KCNJ6: variants seen among roughly 807,000 people sequenced by gnomAD.
The protein encoded by KCNJ6 is G protein-activated inward rectifier potassium channel 2.
In KCNJ6, 9 loss-of-function variants were observed where a neutral mutation model predicts 34.2. The observed-to-expected ratio is 0.26, with a 90% CI of 0.16 to 0.46. KCNJ6 has a LOEUF of 0.46. KCNJ6 is among the 20% of genes least tolerant of loss of function. KCNJ6 has a pLI of 1.00. For missense variants in KCNJ6, 236 were observed against 531.3 expected (o/e 0.44, Z 5.46); for synonymous variants, 196 against 207.1 (o/e 0.95, Z 0.46).
At chr21:37,729,888 C>T (rs1373492648) in intron 2 of KCNJ6, among the ~76,000 whole-genome samples, 1 of 151,794 alleles carries the variant, frequency 6.6e-6, no homozygotes, top group Non-Finnish European at 1.5e-5. Context: ...AGCAGTCCTG[C>T]AACCTCAGAT....
intron 2 of KCNJ6, among the ~76,000 whole-genome samples, chr21:37,795,995 C>T (rs2055239797): frequency 1.3e-5 from 2 of 152,024 alleles, no homozygotes; most frequent in Non-Finnish European, 2.9e-5. Flanking sequence ...TCATCCTGCC[C>T]CTTGCAATTG....
intron 3 of KCNJ6, among the ~76,000 whole-genome samples, chr21:37,670,297 T>G (rs977974566): frequency 6.6e-6 from 1 of 152,194 alleles, no homozygotes; most frequent in African/African-American, 2.4e-5. Context: ...AATGAGGAAG[T>G]GTGAATCTTC....
At chr21:37,737,785 G>A (rs1319323496) in intron 2 of KCNJ6, among the ~76,000 whole-genome samples, 1 of 152,234 alleles carries the variant, frequency 6.6e-6, no homozygotes, top group African/African-American at 2.4e-5. Context: ...ATTCCTGCCC[G>A]ATGATCTTGT....
intron 3 of KCNJ6, among the ~76,000 whole-genome samples, chr21:37,712,524 CCT>C (rs2054760372): frequency 3.8e-5 from 3 of 79,660 alleles, no homozygotes; most frequent in Non-Finnish European, 2.4e-5. Flanking sequence ...CTCCTTCCTC[CCT>C]TTCTCTTCCC....
intron 2 of KCNJ6, among the ~76,000 whole-genome samples, chr21:37,796,179 C>T (rs1379896527): frequency 2.0e-5 from 3 of 151,996 alleles, no homozygotes; most frequent in Non-Finnish European, 4.4e-5. Context: ...TATGGCCCTG[C>T]GTGGAGGTGA....
chr21:37,617,057 C>CTTTTT lies in KCNJ6; in HGVS notation c.*8101_*8102insAAAAA, dbSNP rs59407025. On this transcript the variant is annotated 3_prime_UTR_variant, in exon 4 of 4. Coordinates refer to ENST00000609713, the MANE Select transcript of KCNJ6 (RefSeq NM_002240.5). Reference sequence around the variant, plus strand: ...CTTTCTTTCTTTCTTTCTTTCTTTTCTTTTCTTTTCTTTTCTTTTCTTTCT... The same window carrying CTTTTT: ...CTTTCTTTCTTTCTTTCTTTCTTTTCTTTTTTTTTCTTTTCTTTTCTTTTCTTTCT... 1.9e-5 allele frequency: 1 copy of CTTTTT among 53,356 alleles called. No individual in the cohort carries two copies. 3.3% of individuals were successfully genotyped at this position (53,356 alleles called of 1,614,324 possible).
chr21:37,847,933 AG>A (rs2055517889), intron 1 of KCNJ6, among the ~76,000 whole-genome samples: 1 of 152,188 alleles, frequency 6.6e-6, no homozygotes, highest in African/African-American at 2.4e-5. Flanking sequence ...GGGGAGGGCA[AG>A]GAAGAATACT....
chr21:37,871,218 G>A (rs1186546366), intron 1 of KCNJ6, among the ~76,000 whole-genome samples: 1 of 152,050 alleles, frequency 6.6e-6, no homozygotes, highest in Admixed American at 6.6e-5. Flanking sequence ...CCTGTACCGT[G>A]GGGGGAGCCA....
At chr21:37,898,900 G>C (rs2055802949) in intron 1 of KCNJ6, among the ~76,000 whole-genome samples, 1 of 152,208 alleles carries the variant, frequency 6.6e-6, no homozygotes, top group Non-Finnish European at 1.5e-5. Context: ...ATTTACAGTT[G>C]TTTATGATGA....
At chr21:37,835,002 C>A (rs2836008) in intron 2 of KCNJ6, among the ~76,000 whole-genome samples, 72,219 of 151,966 alleles carry the variant, frequency 0.48, 17,535 homozygotes, top group East Asian at 0.69. Flanking sequence ...GTGGACCATG[C>A]CCAAAGGGAT....
At chr21:37,743,336 G>C (rs2054950415) in intron 2 of KCNJ6, among the ~76,000 whole-genome samples, 2 of 152,078 alleles carry the variant, frequency 1.3e-5, no homozygotes, top group South Asian at 4.2e-4. Flanking sequence ...GTGTGTATAT[G>C]TGTGTGTGTG....
At chr21:37,811,242 T>C (rs1169010031) in intron 2 of KCNJ6, among the ~76,000 whole-genome samples, 2 of 152,220 alleles carry the variant, frequency 1.3e-5, no homozygotes, top group East Asian at 3.8e-4. Context: ...CTTTACCCTG[T>C]GCATCTCCTC....
At chr21:37,829,167 G>A (rs981542031) in intron 2 of KCNJ6, among the ~76,000 whole-genome samples, 3 of 151,926 alleles carry the variant, frequency 2.0e-5, no homozygotes, top group Admixed American at 1.3e-4. Context: ...GCCTGAACCA[G>A]GGGTGGAGGT....
intron 2 of KCNJ6, among the ~76,000 whole-genome samples, chr21:37,775,754 C>A (rs1280138563): frequency 1.3e-5 from 2 of 152,026 alleles, no homozygotes; most frequent in Non-Finnish European, 2.9e-5. Context: ...GTTACTGTAG[C>A]CTTGTAGTAT....
chr21:37,886,165 T>G (rs976732931), intron 1 of KCNJ6, among the ~76,000 whole-genome samples: 1 of 152,152 alleles, frequency 6.6e-6, no homozygotes, highest in Non-Finnish European at 1.5e-5. Flanking sequence ...ACCACAGCTC[T>G]CCAAAAAATT....
chr21:37,690,474 G>C (rs1050083678), intron 3 of KCNJ6, among the ~76,000 whole-genome samples: 10 of 152,208 alleles, frequency 6.6e-5, no homozygotes, highest in African/African-American at 2.4e-4. Context: ...CTGTGGAGCT[G>C]CATGCTTGCA....
chr21:37,617,010 C>CTCTTTCTTTCTTTCTTTCTTTCTT lies in KCNJ6; in HGVS notation c.*8125_*8148dup, dbSNP rs769344990. The CTCTTTCTTTCTTTCTTTCTTTCTT allele has an allele frequency of 1.5e-5, 1 of 68,058 alleles. No homozygotes were observed. Among genetic ancestry groups the CTCTTTCTTTCTTTCTTTCTTTCTT allele is most frequent in the African/African-American group, 5.0e-5 (1 of 19,846 alleles). 4.2% of individuals were successfully genotyped at this position (68,058 alleles called of 1,614,324 possible). On this transcript the variant is annotated 3_prime_UTR_variant, in exon 4 of 4. Transcript: ENST00000609713. The stretch of plus-strand genomic sequence containing the variant: ...CTCTTTCTTTCTTTCTCTTTCTTTT[C>CTCTTTCTTTCTTTCTTTCTTTCTT]TCTTTCTTTCTTTCTTTCTTTCTTT...
In KCNJ6 at chr21:37,916,070, C is replaced by G. The variant is rs1033649445; in HGVS notation, c.-214G>C. 1 of 152,254 alleles carries G rather than the reference C, an allele frequency of 6.6e-6. No homozygotes were observed. Among genetic ancestry groups the G allele is most frequent in the Non-Finnish European group, 1.5e-5 (1 of 68,092 alleles). The allele number at this position is 152,254 out of a possible 1,614,324, so 9.4% of individuals were successfully genotyped here. A position where few individuals can be genotyped will look rare whatever the true frequency, so the allele number is the denominator to read the frequency against. ...CGAGAGGCTGTTAGGAGACTCCATT[C>G]TGCTCGCGGCTGCTCCGGCTCCAGG... On this transcript the variant is annotated 5_prime_UTR_variant, in exon 1 of 4. Transcript: ENST00000609713.
chr21:37,880,457 C>T (rs78417546), intron 1 of KCNJ6, among the ~76,000 whole-genome samples: 1,894 of 152,322 alleles, frequency 0.012, 31 homozygotes, highest in African/African-American at 0.036. Context: ...ATCTTCTTCC[C>T]ACTCAAGTGA....
Sources: allele counts gnomAD v4.1 joint callset (sites outside exome capture counted in the v4.1 genomes callset), GRCh38; gene constraint gnomAD v4.1.1; transcripts MANE v1.5; gene names NCBI Gene and HGNC (gene_info 2026-07-23, HGNC 2026-07-21).